Variants in SAP130 observed in about 807,000 individuals in gnomAD.
The protein encoded by SAP130 is histone deacetylase complex subunit SAP130.
Under a neutral mutation model 103.2 loss-of-function variants are expected in SAP130, and 16 were observed. That is an observed-to-expected ratio of 0.16 (90% confidence interval 0.10 to 0.24). The LOEUF (loss-of-function observed/expected upper bound fraction) is 0.24, where lower values mean the gene tolerates loss of function less well. Among genes scored for constraint, SAP130 ranks in the 10% least tolerant of loss-of-function variants. SAP130 has a pLI of 1.00. For missense variants in SAP130, 990 were observed against 1,359.7 expected, an observed-to-expected ratio of 0.73 and a Z score of 4.28; for synonymous variants, 477 against 497.0, an observed-to-expected ratio of 0.96 and a Z score of 0.53.
chr2:127,991,387 A>G lies in SAP130; in HGVS notation c.1478-1521T>C, dbSNP rs549117753. ...GGTCTCGCTTTCTTGACTAGACTTGAGTGCGGTGGTGCAAACAACATGGCT... is the reference window on the plus strand; with the variant it reads ...GGTCTCGCTTTCTTGACTAGACTTGGGTGCGGTGGTGCAAACAACATGGCT... On this transcript the variant is annotated intron_variant, in intron 12 of 20. Coordinates refer to ENST00000643581, the MANE Select transcript of SAP130 (RefSeq NM_001330301.2). Among the ~76,000 whole-genome samples the G allele has an allele frequency of 3.7e-4, 57 of 152,236 alleles. 1 individual carries two copies. The highest frequency in any genetic ancestry group is 5.1e-4 in the Non-Finnish European group (35 of 68,008).
At chr2:127,954,755 T>A (rs1456551798) in intron 16 of SAP130, among the ~76,000 whole-genome samples, 1 of 152,240 alleles carries the variant, frequency 6.6e-6, no homozygotes, top group African/African-American at 2.4e-5. Flanking sequence ...ATCTCTTTCA[T>A]GATTTTGGCC....
intron 15 of SAP130, among the ~76,000 whole-genome samples, chr2:127,961,099 C>T (rs1680215996): frequency 6.6e-6 from 1 of 151,362 alleles, no homozygotes. Flanking sequence ...AAGCAATCCT[C>T]CCACCTCAGC....
intron 14 of SAP130, among the ~76,000 whole-genome samples, chr2:127,985,178 G>A (rs1180964485): frequency 1.3e-5 from 2 of 152,202 alleles, no homozygotes; most frequent in Non-Finnish European, 2.9e-5. Flanking sequence ...ATAGGGTTAT[G>A]AGACAGAAAG....
rs561293932 is a variant in SAP130 at position 127,987,569 on chromosome 2, G to C, written c.1781-607C>G. On this transcript the variant is annotated intron_variant, in intron 13 of 20. Transcript: ENST00000643581. ...AACAAAGTACATAGTATCTAGTATA[G>C]TCTCTCACTCTACTAGTTACTTTAC... 1.6e-4 allele frequency among the ~76,000 whole-genome samples: 24 copies of C among 152,060 alleles called. 1 individual carries two copies. Among genetic ancestry groups the C allele is most frequent in the African/African-American group, 5.5e-4 (23 of 41,456 alleles).
In SAP130 at chr2:128,010,279, A is replaced by C. The variant is rs752843754; in HGVS notation, c.859T>G (p.Ser287Ala). ...ITTTAAHATD[S>A]ALSRPTLSIQ... ...ACTCCCCATGTATACCTAAGTGCTGAATCAGTAGCATGCGCCGCTGTCGTA... is the reference window on the plus strand; with the variant it reads ...ACTCCCCATGTATACCTAAGTGCTGCATCAGTAGCATGCGCCGCTGTCGTA... The change falls in exon 7 of 21, where the codon TCA becomes GCA. Residue 287 changes from serine to alanine, a missense_variant. Ser to Ala is a moderately conservative substitution (Grantham distance 99). Transcript: ENST00000643581. 6.2e-7 allele frequency: 1 copy of C among 1,613,776 alleles called. No individual in the cohort carries two copies. The highest frequency in any genetic ancestry group is 1.7e-5 in the Admixed American group (1 of 59,998).
At chr2:127,946,927 C>G (rs1679122914) in intron 18 of SAP130, among the ~76,000 whole-genome samples, 1 of 145,180 alleles carries the variant, frequency 6.9e-6, no homozygotes, top group South Asian at 2.3e-4. Flanking sequence ...AGAAGTCATA[C>G]TAGATTAAGG....
rs563288245 is a variant in SAP130, at chr2:127,963,595, G to GTTTTT, written c.2064-8252_2064-8251insAAAAA. On this transcript the variant is annotated intron_variant, in intron 15 of 20. Coordinates refer to ENST00000643581, the MANE Select transcript of SAP130 (RefSeq NM_001330301.2). ...GAATTTTGAGTCATAATGTGTTATG[G>GTTTTT]TTTGGCTCTGTGTCCCCACACAAAT... Among the ~76,000 whole-genome samples the GTTTTT allele has an allele frequency of 8.1e-4, 123 of 152,252 alleles. No homozygotes were observed. In the East Asian group the frequency reaches 0.018, roughly 23 times the overall value.
chr2:127,957,566 C>A (rs1679931620), intron 15 of SAP130, among the ~76,000 whole-genome samples: 1 of 151,754 alleles, frequency 6.6e-6, no homozygotes, highest in African/African-American at 2.4e-5. Flanking sequence ...CCTAGCGACT[C>A]TGGAGGCTGA....
In SAP130 at chr2:127,942,628, T is replaced by A; in HGVS notation, c.2902-91A>T. ...ATGAACCCACCTTCAATCACCTTTG[T>A]AAACTGTCTAAGAGTTGTTTGGGTG... On this transcript the variant is annotated intron_variant, in intron 19 of 20. Transcript: ENST00000643581. This position sits in a 1 kb window ranked among gnomAD's most constrained non-coding sequence, Gnocchi z 4.8. 1 of 741,978 alleles carries A rather than the reference T, an allele frequency of 1.3e-6. No individual in the cohort carries two copies. Among genetic ancestry groups the A allele is most frequent in the Non-Finnish European group, 2.4e-6 (1 of 417,836 alleles). The allele number at this position is 741,978 out of a possible 1,614,324, so 46.0% of individuals were successfully genotyped here.
Position 127,968,127 on chromosome 2 carries a change from A to C in SAP130, c.2063+9858T>G, listed in dbSNP as rs566677152. Among the ~76,000 whole-genome samples, 45 of 124,634 alleles carry C rather than the reference A, an allele frequency of 3.6e-4. 1 individual carries two copies. The South Asian group carries it at 7.4e-3, about 20-fold the overall frequency. The allele number at this position is 124,634 out of a possible 152,430, so 81.8% of individuals were successfully genotyped here. ...GTAAAGCATTTTTTTTTTTTTTTTT[A>C]GGCAGAGTTTCACTCTTATTGCCCA... On this transcript the variant is annotated intron_variant, in intron 15 of 20. Coordinates refer to ENST00000643581, the MANE Select transcript of SAP130 (RefSeq NM_001330301.2).
chr2:127,988,881 A>G (rs2438030), intron 13 of SAP130, among the ~76,000 whole-genome samples: 59,449 of 151,904 alleles, frequency 0.39, 14,322 homozygotes, highest in Non-Finnish European at 0.52. Flanking sequence ...GACTTATTCC[A>G]TTTTTCAAAA....
At chr2:128,006,641 G>A (rs1683992932) in intron 7 of SAP130, among the ~76,000 whole-genome samples, 1 of 152,184 alleles carries the variant, frequency 6.6e-6, no homozygotes, top group Admixed American at 6.5e-5. Flanking sequence ...CAGGCATGGT[G>A]CATGGTGGCA....
intron 7 of SAP130, among the ~76,000 whole-genome samples, chr2:128,005,592 G>T (rs1013967895): frequency 1.3e-5 from 2 of 151,590 alleles, no homozygotes; most frequent in Admixed American, 6.6e-5. Context: ...TCCAGCCTGA[G>T]CAAGACTAGG....
At chr2:128,013,274 T>A in intron 5 of SAP130, 120 bp from the exon 6 acceptor site, 1 of 826,242 alleles carries the variant, frequency 1.2e-6, no homozygotes, top group Non-Finnish European at 1.7e-6. Flanking sequence ...GTATGTATAC[T>A]TCCCATTTCA....
intron 2 of SAP130, among the ~76,000 whole-genome samples, chr2:128,018,954 C>T (rs904476033): frequency 3.3e-5 from 5 of 151,862 alleles, no homozygotes; most frequent in South Asian, 2.1e-4. Context: ...AAAAATTAGC[C>T]GGGCGTGGTG....
At chr2:128,011,243 C>T (rs1043885953) in intron 6 of SAP130, among the ~76,000 whole-genome samples, 16 of 152,338 alleles carry the variant, frequency 1.1e-4, no homozygotes, top group African/African-American at 2.6e-4. Context: ...TCTAGGTAAT[C>T]GTTCAGGGTG....
intron 14 of SAP130, among the ~76,000 whole-genome samples, chr2:127,983,874 C>T: frequency 8.1e-6 from 1 of 123,406 alleles, no homozygotes; most frequent in Non-Finnish European, 1.6e-5. Flanking sequence ...TTCAGAATCA[C>T]ACACAAGTTA....
At chr2:127,970,412 G>A (rs571298253) in intron 15 of SAP130, among the ~76,000 whole-genome samples, 9 of 150,630 alleles carry the variant, frequency 6.0e-5, no homozygotes, top group Admixed American at 1.3e-4. Context: ...ATGGTGATGC[G>A]TGCCTGTAAT....
At chr2:127,944,072 T>A (rs992328313) in intron 19 of SAP130, among the ~76,000 whole-genome samples, 3 of 152,210 alleles carry the variant, frequency 2.0e-5, no homozygotes, top group African/African-American at 4.8e-5. Flanking sequence ...TACTCTGTTA[T>A]CCAGGATGGA....
Sources: gnomAD v4.1 joint callset for allele counts (sites outside exome capture counted in the v4.1 genomes callset) on GRCh38, gnomAD v4.1.1 for gene constraint, Gnocchi (gnomAD v3.1) non-coding constraint, MANE v1.5 for transcripts, NCBI Gene and HGNC (gene_info 2026-07-23, HGNC 2026-07-21) for gene names.